Variants in RETREG3 observed in about 807,000 individuals in gnomAD.
RETREG3 encodes the protein reticulophagy regulator 3.
Under a neutral mutation model 50.2 loss-of-function variants are expected in RETREG3, and 23 were observed. The observed-to-expected ratio is 0.46, with a 90% confidence interval of 0.33 to 0.65. The LOEUF (loss-of-function observed/expected upper bound fraction) is 0.65. Ranked by LOEUF, RETREG3 falls within the 30% of genes least tolerant of loss-of-function variation. The pLI is 0.02. For synonymous variants in RETREG3, 240 were observed against 234.4 expected (o/e 1.02, Z -0.22); for missense variants, 546 against 598.0 (o/e 0.91, Z 0.91).
intron 1 of RETREG3, 80 bp from the exon 2 acceptor site, chr17:42,592,242 C>T: frequency 1.7e-6 from 2 of 1,154,550 alleles, no homozygotes; most frequent in South Asian, 1.4e-5. Context: ...GTACGATGGG[C>T]TCTGTGGTAA....
In RETREG3 at chr17:42,580,207, T is replaced by TACTATTGGC; in HGVS notation, c.*1597_*1605dup. On this transcript the variant is annotated 3_prime_UTR_variant, in exon 9 of 9. Coordinates refer to ENST00000309428, the MANE Select transcript of RETREG3 (RefSeq NM_178126.4). ...TCTCTGCTGATTACAGCCACATTCT[T>TACTATTGGC]ACTATTGGCTCATCCTTAAAGGAGG... 1 of 152,526 alleles carries TACTATTGGC rather than the reference T, an allele frequency of 6.6e-6. No homozygotes were observed. Among genetic ancestry groups the TACTATTGGC allele is most frequent in the Non-Finnish European group, 1.5e-5 (1 of 68,022 alleles). 9.4% of individuals were successfully genotyped at this position (152,526 alleles called of 1,614,324 possible). A position where few individuals can be genotyped will look rare whatever the true frequency, so the allele number is the denominator to read the frequency against.
At chr17:42,602,427 G>C (rs767809946) in intron 1 of RETREG3, among the ~76,000 whole-genome samples, 2 of 151,986 alleles carry the variant, frequency 1.3e-5, no homozygotes, top group African/African-American at 2.4e-5. Flanking sequence ...TCACAATGCT[G>C]TACGACTAAT....
intron 1 of RETREG3, among the ~76,000 whole-genome samples, chr17:42,597,295 TCTC>T (rs1295299476): frequency 1.3e-5 from 2 of 149,864 alleles, no homozygotes; most frequent in African/African-American, 4.9e-5. Context: ...TTCAAGCAAT[TCTC>T]CTGCCTCAGC....
At chr17:42,585,975 C>T (rs2093120402) in intron 5 of RETREG3, 78 bp downstream of exon 5, 1 of 1,339,206 alleles carries the variant, frequency 7.5e-7, no homozygotes, top group South Asian at 1.2e-5. Context: ...ACAGTCCTCT[C>T]CCCACACCTA....
At chr17:42,599,433 T>C (rs1385650523) in intron 1 of RETREG3, among the ~76,000 whole-genome samples, 1 of 152,056 alleles carries the variant, frequency 6.6e-6, no homozygotes, top group African/African-American at 2.4e-5. Flanking sequence ...GGTGGGTGGA[T>C]AACCTGAGAT....
chr17:42,581,732 T>C lies in RETREG3; in HGVS notation c.*81A>G. The C allele has an allele frequency of 7.7e-7, 1 of 1,303,950 alleles. No individual in the cohort carries two copies. The highest frequency in any genetic ancestry group is 1.0e-6 in the Non-Finnish European group (1 of 962,816). 80.8% of individuals were successfully genotyped at this position (1,303,950 alleles called of 1,614,324 possible). ...TATAATTCAGGGGAGGGGAGCTGAG[T>C]TCTTCCCTTGCCCCATCACCTTAAG... is the stretch of plus-strand genomic sequence containing the variant. On this transcript the variant is annotated 3_prime_UTR_variant, in exon 9 of 9. Coordinates refer to ENST00000309428, the MANE Select transcript of RETREG3 (RefSeq NM_178126.4).
chr17:42,592,243 T>C, intron 1 of RETREG3, 81 bp from the exon 2 acceptor site: 1 of 1,147,482 alleles, frequency 8.7e-7, no homozygotes, highest in Non-Finnish European at 1.3e-6. Flanking sequence ...TACGATGGGC[T>C]CTGTGGTAAA....
rs2093114478 is a variant in RETREG3, at chr17:42,583,505, C to T, written c.803G>A (p.Cys268Tyr). ...CTCCCACACTCAAGATACCTGAGGA[C>T]AGAAGGCAGCAAGCTCCTCTTCGCT... The part of the protein sequence containing the change: ...SDSEEELAAF[C>Y]PQLDDSTVAR... Residue 268 changes from cysteine (C) to tyrosine (Y), a missense_variant, in exon 7 of 9, where the codon TGT (cysteine) becomes TAT (tyrosine). Transcript: ENST00000309428. 6.2e-7 allele frequency: 1 copy of T among 1,613,380 alleles called. No individual in the cohort carries two copies. Among genetic ancestry groups the T allele is most frequent in the Admixed American group, 1.7e-5 (1 of 59,954 alleles).
chr17:42,587,984 C>A, intron 2 of RETREG3, 120 bp from the exon 3 acceptor site: 1 of 1,124,234 alleles, frequency 8.9e-7, no homozygotes, highest in Non-Finnish European at 1.3e-6. Context: ...CAGTAATAGC[C>A]GATAAAAAAG....
At chr17:42,608,076 A>T (rs937212010) in intron 1 of RETREG3, among the ~76,000 whole-genome samples, 4 of 152,224 alleles carry the variant, frequency 2.6e-5, no homozygotes, top group African/African-American at 9.6e-5. Context: ...TTTAAAACAA[A>T]TTTTAAGGGG....
chr17:42,604,535 T>C (rs754454864), intron 1 of RETREG3, among the ~76,000 whole-genome samples: 3 of 151,662 alleles, frequency 2.0e-5, no homozygotes, highest in Non-Finnish European at 4.4e-5. Context: ...CTGGGCCCAG[T>C]GGCATGTGCC....
chr17:42,600,570 A>G (rs551926962), intron 1 of RETREG3, among the ~76,000 whole-genome samples: 1 of 152,298 alleles, frequency 6.6e-6, no homozygotes, highest in South Asian at 2.1e-4. Flanking sequence ...GTCAAACAAT[A>G]AGGAAGACGT....
At chr17:42,591,337 ACTTT>A (rs1227037970) in intron 2 of RETREG3, among the ~76,000 whole-genome samples, 4 of 149,390 alleles carry the variant, frequency 2.7e-5, no homozygotes, top group African/African-American at 9.8e-5. Context: ...ATGTCATGGT[ACTTT>A]CTTTTTTTTT....
intron 1 of RETREG3, among the ~76,000 whole-genome samples, chr17:42,602,301 A>C (rs2093160157): frequency 6.8e-6 from 1 of 146,184 alleles, no homozygotes; most frequent in South Asian, 2.3e-4. Context: ...TGGGCCACAG[A>C]GTAAGACTCC....
chr17:42,600,566 C>T (rs900780734), intron 1 of RETREG3, among the ~76,000 whole-genome samples: 2 of 151,536 alleles, frequency 1.3e-5, no homozygotes, highest in African/African-American at 2.4e-5. Context: ...TTGTGTCAAA[C>T]AATAAGGAAG....
intron 1 of RETREG3, among the ~76,000 whole-genome samples, chr17:42,601,453 G>C (rs1223497546): frequency 7.5e-6 from 1 of 132,740 alleles, no homozygotes; most frequent in East Asian, 2.4e-4. Flanking sequence ...GGCGCCTGGA[G>C]TCCCAGCTAC....
intron 4 of RETREG3, 135 bp downstream of exon 4, chr17:42,586,630 T>C (rs1360537224): frequency 4.1e-5 from 53 of 1,297,408 alleles, no homozygotes; most frequent in Non-Finnish European, 5.1e-5. Flanking sequence ...GCCTTTCCTA[T>C]AGCTTCCTTT....
chr17:42,603,296 G>A (rs1055333739), intron 1 of RETREG3, among the ~76,000 whole-genome samples: 2 of 152,062 alleles, frequency 1.3e-5, no homozygotes, highest in South Asian at 2.1e-4. Context: ...TGATTTCTAG[G>A]TTCCTTTGTT....
chr17:42,585,084 C>G, intron 6 of RETREG3, 41 bp downstream of exon 6: 3 of 1,603,038 alleles, frequency 1.9e-6, no homozygotes, highest in Non-Finnish European at 2.6e-6. Flanking sequence ...CCTTTTCGCC[C>G]CAAATTGCGT....
Sources: gnomAD v4.1 joint callset for allele counts (sites outside exome capture counted in the v4.1 genomes callset) on GRCh38, gnomAD v4.1.1 for gene constraint, MANE v1.5 for transcripts, NCBI Gene and HGNC (gene_info 2026-07-23, HGNC 2026-07-21) for gene names.